The following ASIC2 variants were observed in gnomAD, a reference collection of about 807,000 sequenced individuals.
ASIC2 encodes the protein acid-sensing ion channel 2.
A neutral mutation model predicts 57.3 loss-of-function variants in ASIC2; 25 were observed. The observed-to-expected ratio is 0.44, with a 90% CI of 0.32 to 0.61. The LOEUF (loss-of-function observed/expected upper bound fraction) is 0.61. ASIC2 is among the 20% of genes least tolerant of loss of function. The pLI is 0.06. For missense variants in ASIC2, 641 were observed against 738.1 expected (o/e 0.87, Z 1.52); for synonymous variants, 319 against 307.5 (o/e 1.04, Z -0.39).
intron 1 of ASIC2, among the ~76,000 whole-genome samples, chr17:33,451,659 C>T (rs1490740436): frequency 1.3e-5 from 2 of 152,158 alleles, no homozygotes; most frequent in Admixed American, 1.3e-4. Flanking sequence ...TCTCTTTCAT[C>T]CACTTTTATT....
In ASIC2 at chr17:33,832,649, C is replaced by T. The variant is rs1913151570; in HGVS notation, c.555+323329G>A. Among the ~76,000 whole-genome samples the T allele has an allele frequency of 3.3e-5, 5 of 152,210 alleles. 1 individual carries two copies. In the South Asian group the frequency reaches 1.0e-3, roughly 32 times the overall value. On this transcript the variant is annotated intron_variant, in intron 1 of 9. Transcript: ENST00000359872. ...AATAGCCAGACTTTACCGCTGTCACCTGTTAAAAGTGTCATGTTGGCATTT... is the reference window on the plus strand; with the variant it reads ...AATAGCCAGACTTTACCGCTGTCACTTGTTAAAAGTGTCATGTTGGCATTT...
chr17:34,042,001 A>G (rs140379015), intron 1 of ASIC2, among the ~76,000 whole-genome samples: 78 of 152,348 alleles, frequency 5.1e-4, no homozygotes, highest in African/African-American at 1.7e-3. Context: ...CATCATTCTC[A>G]TTAGAGAATT....
intron 1 of ASIC2, among the ~76,000 whole-genome samples, chr17:33,772,369 A>G (rs777106947): frequency 6.6e-6 from 1 of 152,182 alleles, no homozygotes; most frequent in Non-Finnish European, 1.5e-5. Context: ...ATATTTCTAC[A>G]CAGCTGTCCA....
intron 3 of ASIC2, among the ~76,000 whole-genome samples, chr17:33,085,368 T>G (rs1373705788): frequency 6.6e-6 from 1 of 152,236 alleles, no homozygotes; most frequent in African/African-American, 2.4e-5. Flanking sequence ...GTAAAACGAA[T>G]CCTTATTTCA....
Position 33,371,485 on chromosome 17 carries a change from G to A in ASIC2, c.556-259418C>T, listed in dbSNP as rs561522439. ...ACAAAAAATAATTGAGCTCTTTGAG[G>A]CCTGATGGGAATCTTACTAAAACCT... On this transcript the variant is annotated intron_variant, in intron 1 of 9. Transcript: ENST00000359872. Among the ~76,000 whole-genome samples the A allele has an allele frequency of 2.2e-4, 33 of 152,310 alleles. 1 individual carries two copies. In the South Asian group the frequency reaches 6.6e-3, roughly 31 times the overall value.
chr17:34,085,288 G>C (rs1025477550), intron 1 of ASIC2, among the ~76,000 whole-genome samples: 41 of 152,266 alleles, frequency 2.7e-4, no homozygotes, highest in South Asian at 1.5e-3. Flanking sequence ...TGCATCTATT[G>C]AGATAATCAT....
intron 1 of ASIC2, among the ~76,000 whole-genome samples, chr17:33,973,040 C>A (rs1203715880): frequency 1.3e-5 from 2 of 152,220 alleles, no homozygotes; most frequent in Admixed American, 1.3e-4. Context: ...TGTGGCACAC[C>A]CACAGTGAGG....
chr17:33,943,435 T>C (rs979787537), intron 1 of ASIC2, among the ~76,000 whole-genome samples: 1 of 152,148 alleles, frequency 6.6e-6, no homozygotes, highest in South Asian at 2.1e-4. Flanking sequence ...CATGGCACTT[T>C]ATAGTTTGCA....
At chr17:34,139,142 T>C (rs752118351) in intron 1 of ASIC2, among the ~76,000 whole-genome samples, 1 of 152,314 alleles carries the variant, frequency 6.6e-6, no homozygotes, top group African/African-American at 2.4e-5. Flanking sequence ...GGGAGATGAT[T>C]TGAAGATGGG....
intron 1 of ASIC2, among the ~76,000 whole-genome samples, chr17:33,425,472 T>C (rs147192878): frequency 3.1e-3 from 475 of 152,164 alleles, no homozygotes; most frequent in Non-Finnish European, 4.7e-3. Flanking sequence ...AAAAATAACA[T>C]GATTAGAAAG....
At chr17:33,566,809 C>A (rs1222240165) in intron 1 of ASIC2, among the ~76,000 whole-genome samples, 2 of 152,120 alleles carry the variant, frequency 1.3e-5, no homozygotes, top group African/African-American at 4.8e-5. Context: ...CAGGGCCCTC[C>A]GTGATCTTTC....
intron 1 of ASIC2, among the ~76,000 whole-genome samples, chr17:33,546,495 G>A (rs1338020597): frequency 1.3e-5 from 2 of 152,130 alleles, no homozygotes; most frequent in African/African-American, 2.4e-5. Context: ...TTGGCATCAG[G>A]CAATAGTGAG....
chr17:33,227,358 C>A (rs1907919534), intron 1 of ASIC2, among the ~76,000 whole-genome samples: 1 of 152,338 alleles, frequency 6.6e-6, no homozygotes, highest in South Asian at 2.1e-4. Context: ...GAGACATTCC[C>A]AGGCCCCTCC....
At chr17:33,329,234 G>A (rs1907206523) in intron 1 of ASIC2, among the ~76,000 whole-genome samples, 1 of 152,188 alleles carries the variant, frequency 6.6e-6, no homozygotes, top group African/African-American at 2.4e-5. Flanking sequence ...ATTCTCAACT[G>A]TGAAATGGGG....
At chr17:33,838,415 C>A (rs1220414488) in intron 1 of ASIC2, among the ~76,000 whole-genome samples, 1 of 152,124 alleles carries the variant, frequency 6.6e-6, no homozygotes, top group African/African-American at 2.4e-5. Flanking sequence ...TTCTTTACCC[C>A]TGAATAGTTT....
At chr17:33,971,666 T>C (rs576275105) in intron 1 of ASIC2, among the ~76,000 whole-genome samples, 2 of 152,276 alleles carry the variant, frequency 1.3e-5, no homozygotes, top group East Asian at 3.9e-4. Context: ...TAGAACATTT[T>C]CTACCTACGA....
At chr17:33,122,698 A>C (rs1204364927) in intron 1 of ASIC2, among the ~76,000 whole-genome samples, 1 of 152,130 alleles carries the variant, frequency 6.6e-6, no homozygotes, top group African/African-American at 2.4e-5. Flanking sequence ...CCCCTCTTTT[A>C]GCAAGTTTGA....
chr17:33,548,318 G>A (rs768397603), intron 1 of ASIC2, among the ~76,000 whole-genome samples: 7 of 152,220 alleles, frequency 4.6e-5, no homozygotes, highest in African/African-American at 7.2e-5. Flanking sequence ...TTGTTGAAAT[G>A]CACATTAATT....
intron 1 of ASIC2, among the ~76,000 whole-genome samples, chr17:33,744,637 A>T (rs559667471): frequency 6.6e-6 from 1 of 152,322 alleles, no homozygotes; most frequent in East Asian, 1.9e-4. Flanking sequence ...TCCATTTTTC[A>T]ACACAAAATT....
Sources: gnomAD v4.1 joint callset for allele counts (sites outside exome capture counted in the v4.1 genomes callset) on GRCh38, gnomAD v4.1.1 for gene constraint, MANE v1.5 for transcripts, NCBI Gene and HGNC (gene_info 2026-07-23, HGNC 2026-07-21) for gene names.